The following PALMD variants were observed in gnomAD, a reference collection of about 807,000 sequenced individuals.
PALMD encodes palmdelphin, also known as paralemmin-like protein.
In PALMD, 42 loss-of-function variants were observed where a neutral mutation model predicts 56.2. The ratio of observed to expected loss-of-function variants is 0.75; its 90% CI spans 0.58 to 0.97. The LOEUF is 0.97. Among genes scored for constraint, PALMD ranks in the 50% least tolerant of loss-of-function variants. PALMD has a pLI of 0.00. For synonymous variants in PALMD, 242 were observed against 222.9 expected, an observed-to-expected ratio of 1.09 and a Z score of -0.76; for missense variants, 660 against 643.8, an observed-to-expected ratio of 1.03 and a Z score of -0.27.
At chr1:99,674,837 C>A (rs2100866493) in intron 3 of PALMD, among the ~76,000 whole-genome samples, 1 of 152,280 alleles carries the variant, frequency 6.6e-6, no homozygotes, top group African/African-American at 2.4e-5. Flanking sequence ...GACCCGTTCT[C>A]CAAGCCTTGG....
intron 1 of PALMD, among the ~76,000 whole-genome samples, chr1:99,655,804 C>A (rs1477973449): frequency 6.6e-6 from 1 of 152,100 alleles, no homozygotes; most frequent in Admixed American, 6.6e-5. Context: ...CAAGATTATT[C>A]TCCTTAATCA....
chr1:99,654,125 G>C (rs773014591), intron 1 of PALMD, among the ~76,000 whole-genome samples: 1 of 151,952 alleles, frequency 6.6e-6, no homozygotes, highest in Non-Finnish European at 1.5e-5. Flanking sequence ...TTCAACACAA[G>C]TTCCACCACT....
chr1:99,657,111 T>G (rs1557667585), intron 1 of PALMD, among the ~76,000 whole-genome samples: 1 of 152,186 alleles, frequency 6.6e-6, no homozygotes, highest in African/African-American at 2.4e-5. Context: ...CTCCTTTTCT[T>G]TTCATAAAAA....
chr1:99,689,411 C>A lies in PALMD; in HGVS notation c.1151C>A (p.Ser384Tyr), dbSNP rs1653603283. The change falls in exon 7 of 8, where the codon TCT becomes TAT. Residue 384 changes from serine to tyrosine, a missense_variant. Coordinates refer to ENST00000263174, the MANE Select transcript of PALMD (RefSeq NM_017734.5). ...TTTGGGAAATCTGAACACCAGAATT[C>A]TTCACCCACTTGTCAGGAGGACGAG... ...TIFGKSEHQN[S>Y]SPTCQEDEED... is the part of the protein sequence containing the mutation. 2 of 1,613,826 alleles carry A rather than the reference C, an allele frequency of 1.2e-6. No homozygotes were observed. Among genetic ancestry groups the A allele is most frequent in the Non-Finnish European group, 1.7e-6 (2 of 1,179,858 alleles).
chr1:99,652,044 C>T (rs1209183389), intron 1 of PALMD, among the ~76,000 whole-genome samples: 1 of 152,176 alleles, frequency 6.6e-6, no homozygotes, highest in African/African-American at 2.4e-5. Context: ...ATAACAGTGC[C>T]TATTCTTACA....
chr1:99,678,112 AT>A (rs749171548), intron 3 of PALMD, among the ~76,000 whole-genome samples: 5,574 of 137,224 alleles, frequency 0.041, 265 homozygotes, highest in African/African-American at 0.12. Flanking sequence ...GTCCTTTTCT[AT>A]TTTTTTTTTT....
chr1:99,675,423 AT>A (rs1220221247), intron 3 of PALMD, among the ~76,000 whole-genome samples: 4 of 152,234 alleles, frequency 2.6e-5, no homozygotes, highest in African/African-American at 9.6e-5. Context: ...AGAATCATGG[AT>A]AAGTATATCT....
Position 99,694,289 on chromosome 1 carries a change from G to A in PALMD, c.*227G>A. The A allele has an allele frequency of 5.1e-6, 2 of 388,404 alleles. No homozygotes were observed. The highest frequency in any genetic ancestry group is 4.7e-6 in the Non-Finnish European group (1 of 212,560). 24.1% of individuals were successfully genotyped at this position (388,404 alleles called of 1,614,324 possible). ...CCAGTTACTTGACACGATTCAGTGG[G>A]GGAAAACCAGCATTTTTTATTCTAT... On this transcript the variant is annotated 3_prime_UTR_variant, in exon 8 of 8. Coordinates refer to ENST00000263174, the MANE Select transcript of PALMD (RefSeq NM_017734.5).
chr1:99,648,738 A>G (rs1557665562), intron 1 of PALMD, among the ~76,000 whole-genome samples: 1 of 152,136 alleles, frequency 6.6e-6, no homozygotes, highest in East Asian at 1.9e-4. Flanking sequence ...CTGGCTATAA[A>G]ATAAAATAAT....
chr1:99,677,489 T>C (rs1653241569), intron 3 of PALMD, among the ~76,000 whole-genome samples: 1 of 152,124 alleles, frequency 6.6e-6, no homozygotes, highest in Admixed American at 6.6e-5. Flanking sequence ...TTCTGCCTTG[T>C]TGCTTTGCTA....
At chr1:99,673,459 T>C (rs1292286639) in intron 3 of PALMD, among the ~76,000 whole-genome samples, 1 of 152,004 alleles carries the variant, frequency 6.6e-6, no homozygotes, top group Non-Finnish European at 1.5e-5. Flanking sequence ...ATAGACAAGC[T>C]GCTCTTTTAT....
rs1557675946 is a variant in PALMD, at chr1:99,689,364, G to A, written c.1104G>A (p.Arg368=). ...AAGATGCACCCTCTCCAAAGCCAAG[G>A]CTGAGCCCCAGAGAGACAATATTTG... The part of the protein sequence containing the change: ...QDKDAPSPKP[R]LSPRETIFGK... The change falls in exon 7 of 8, where the codon AGG becomes AGA. Residue 368 remains arginine, a synonymous_variant. Coordinates refer to ENST00000263174, the MANE Select transcript of PALMD (RefSeq NM_017734.5). 6.2e-7 allele frequency: 1 copy of A among 1,613,700 alleles called. No homozygotes were observed.
chr1:99,683,806 C>G (rs1236880468), intron 3 of PALMD: 2 of 152,378 alleles, frequency 1.3e-5, no homozygotes, highest in East Asian at 3.9e-4. Context: ...GGTCATCTGC[C>G]TCCTCTCTGA....
chr1:99,656,198 C>T (rs991889176), intron 1 of PALMD, among the ~76,000 whole-genome samples: 14 of 152,104 alleles, frequency 9.2e-5, no homozygotes, highest in Admixed American at 2.0e-4. Flanking sequence ...TGTTTCCATT[C>T]GTAAATTGCC....
intron 7 of PALMD, among the ~76,000 whole-genome samples, chr1:99,692,656 T>C (rs1430704456): frequency 6.6e-6 from 1 of 152,110 alleles, no homozygotes; most frequent in East Asian, 1.9e-4. Flanking sequence ...GAGGAGTGAC[T>C]GTAAGAAAAA....
chr1:99,690,452 A>C (rs931059845), intron 7 of PALMD, among the ~76,000 whole-genome samples: 1 of 152,092 alleles, frequency 6.6e-6, no homozygotes, highest in Non-Finnish European at 1.5e-5. Context: ...TTAACTTTGC[A>C]TAGTGTTCCC....
intron 1 of PALMD, among the ~76,000 whole-genome samples, chr1:99,657,349 C>T (rs1313158923): frequency 6.6e-6 from 1 of 152,192 alleles, no homozygotes; most frequent in East Asian, 1.9e-4. Context: ...TCGTCAGTTT[C>T]CTGAACATAA....
chr1:99,655,270 T>A (rs1652696843), intron 1 of PALMD, among the ~76,000 whole-genome samples: 1 of 152,138 alleles, frequency 6.6e-6, no homozygotes, highest in Non-Finnish European at 1.5e-5. Context: ...TATGGATGAA[T>A]AATTATTGAG....
At position 99,694,057 on chromosome 1, in the gene PALMD, A is replaced by C. The variant is rs371259678; in HGVS notation, c.1651A>C (p.Ile551Leu). The C allele has an allele frequency of 4.9e-5, 78 of 1,595,758 alleles. No individual in the cohort carries two copies. Among genetic ancestry groups the C allele is most frequent in the Non-Finnish European group, 6.4e-5 (74 of 1,165,218 alleles). The change falls in exon 8 of 8, where the codon ATC becomes CTC. Residue 551 changes from isoleucine (I) to leucine (L), a missense_variant. Physicochemically the swap from Ile to Leu is conservative, Grantham distance 5. Transcript: ENST00000263174. The stretch of plus-strand genomic sequence containing the variant: ...AATGGCAAAGCTGGGAAAAAAGGTG[A>C]TCTAAGAGTTGTACCACCTATATAA... ...MRMAKLGKKV[I>L]
Sources: allele counts gnomAD v4.1 joint callset (sites outside exome capture counted in the v4.1 genomes callset), GRCh38; gene constraint gnomAD v4.1.1; transcripts MANE v1.5; gene names NCBI Gene and HGNC (gene_info 2026-07-23, HGNC 2026-07-21).